IL23R: variants seen among roughly 807,000 people sequenced by gnomAD.
IL23R encodes interleukin 23 receptor, also known as interleukin-23 receptor.
IL23R carries 34 observed loss-of-function variants against 56.9 expected under a neutral mutation model. The ratio of observed to expected loss-of-function variants is 0.60; its 90% confidence interval spans 0.45 to 0.80. IL23R has a LOEUF of 0.80. IL23R is among the 30% of genes least tolerant of loss of function. The probability of loss-of-function intolerance (pLI) is 0.00; values close to 1 mark genes in which losing one functional copy is unlikely to be tolerated. For synonymous variants in IL23R, 230 were observed against 249.2 expected, an observed-to-expected ratio of 0.92 and a Z score of 0.73; for missense variants, 635 against 730.0, an observed-to-expected ratio of 0.87 and a Z score of 1.50.
chr1:67,142,714 T>C (rs1646649171), intron 1 of IL23R, among the ~76,000 whole-genome samples: 1 of 152,148 alleles, frequency 6.6e-6, no homozygotes, highest in Non-Finnish European at 1.5e-5. Flanking sequence ...CACAGGTGTG[T>C]GCCACCAAGC....
chr1:67,163,945 T>C (rs1204152939), upstream of IL23R, among the ~76,000 whole-genome samples: 1 of 152,162 alleles, frequency 6.6e-6, no homozygotes, highest in Admixed American at 6.5e-5. Context: ...TCTTTGACAC[T>C]GGTCTGGGTA....
intron 3 of IL23R, among the ~76,000 whole-genome samples, chr1:67,170,693 T>C (rs959050076): frequency 6.6e-6 from 1 of 152,122 alleles, no homozygotes; most frequent in African/African-American, 2.4e-5. Flanking sequence ...ATAAAGGAAT[T>C]TGTGTCTTTG....
In IL23R at chr1:67,236,778, A is replaced by G. The variant is rs373821085; in HGVS notation, c.1021A>G (p.Ile341Val). The G allele has an allele frequency of 6.2e-7, 1 of 1,612,274 alleles. No homozygotes were observed. The highest frequency in any genetic ancestry group is 2.2e-5 in the East Asian group (1 of 44,850). The change falls in exon 8 of 11, where the codon ATC becomes GTC. Residue 341 changes from isoleucine to valine, a missense_variant. By Grantham distance (29) the Ile-to-Val change is conservative (BLOSUM62 3). Coordinates refer to ENST00000347310, the MANE Select transcript of IL23R (RefSeq NM_144701.3). ...TWNSGLTVAS[I>V]STGHLTSDNR... Reference sequence around the variant, plus strand: ...GAATTCTGGGCTAACAGTTGCTTCCATCTCTACAGGGCACCTTACTTCTGG... The same window carrying G: ...GAATTCTGGGCTAACAGTTGCTTCCGTCTCTACAGGGCACCTTACTTCTGG...
intron 1 of IL23R, among the ~76,000 whole-genome samples, chr1:67,156,432 T>C (rs898254464): frequency 6.6e-6 from 1 of 152,178 alleles, no homozygotes; most frequent in East Asian, 1.9e-4. Flanking sequence ...CTCCAGGTGT[T>C]CTGTCCCAGG....
intron 4 of IL23R, among the ~76,000 whole-genome samples, chr1:67,197,780 C>T (rs1483560333): frequency 6.6e-6 from 1 of 151,926 alleles, no homozygotes; most frequent in Non-Finnish European, 1.5e-5. Context: ...CCTGTCTCTA[C>T]AAAAAATTAG....
At chr1:67,225,141 A>G (rs550648597) in intron 7 of IL23R, among the ~76,000 whole-genome samples, 1 of 152,328 alleles carries the variant, frequency 6.6e-6, no homozygotes, top group South Asian at 2.1e-4. Context: ...TTCTCTACAC[A>G]TTAGCTAGTA....
Position 67,246,142 on chromosome 1 carries a change from G to A in IL23R, c.1148+5861G>A, listed in dbSNP as rs142722549. 1.2e-3 allele frequency among the ~76,000 whole-genome samples: 187 copies of A among 152,106 alleles called. 1 individual carries two copies. Among genetic ancestry groups the A allele is most frequent in the African/African-American group, 4.4e-3 (181 of 41,512 alleles). On this transcript the variant is annotated intron_variant, in intron 9 of 10. Transcript: ENST00000347310. The stretch of plus-strand genomic sequence containing the variant: ...TCTGATGATAGTTTATATTTCTGTG[G>A]GATTGGTGGTGATATCTCCTTTATC...
At chr1:67,225,379 T>TA (rs1266581486) in intron 7 of IL23R, among the ~76,000 whole-genome samples, 2 of 152,120 alleles carry the variant, frequency 1.3e-5, no homozygotes, top group East Asian at 1.9e-4. Flanking sequence ...AAAGGATAGG[T>TA]AAAAAAGGCA....
chr1:67,227,211 AC>A (rs1392128586), intron 7 of IL23R, among the ~76,000 whole-genome samples: 1 of 152,210 alleles, frequency 6.6e-6, no homozygotes, highest in African/African-American at 2.4e-5. Flanking sequence ...GCTACTACTG[AC>A]TTAAAAAAGC....
chr1:67,197,351 G>A (rs1404766980), intron 4 of IL23R, among the ~76,000 whole-genome samples: 1 of 152,120 alleles, frequency 6.6e-6, no homozygotes, highest in Non-Finnish European at 1.5e-5. Flanking sequence ...CACAATAAAA[G>A]GACTAAAGAC....
At chr1:67,174,068 T>C (rs768312563) in intron 3 of IL23R, among the ~76,000 whole-genome samples, 10 of 152,192 alleles carry the variant, frequency 6.6e-5, no homozygotes, top group Non-Finnish European at 1.3e-4. Flanking sequence ...TTTTGGAAAA[T>C]TAAGTTTGTT....
intron 3 of IL23R, among the ~76,000 whole-genome samples, chr1:67,173,473 G>A (rs1189355569): frequency 6.6e-6 from 1 of 152,090 alleles, no homozygotes; most frequent in Non-Finnish European, 1.5e-5. Flanking sequence ...TGTAATCAAT[G>A]AGGGACCACA....
chr1:67,170,013 A>G (rs1327513915), intron 3 of IL23R, among the ~76,000 whole-genome samples: 1 of 152,204 alleles, frequency 6.6e-6, no homozygotes, highest in Non-Finnish European at 1.5e-5. Context: ...TTAGATTTAA[A>G]ATGTTGCTCT....
chr1:67,263,112 CTTTTTTT>C (rs66482004), downstream of IL23R, among the ~76,000 whole-genome samples: 5 of 98,890 alleles, frequency 5.1e-5, no homozygotes, highest in Non-Finnish European at 9.8e-5. Context: ...AATTTCTTTC[CTTTTTTT>C]TTTTTTTTTT....
chr1:67,217,553 G>A (rs1224090863), intron 6 of IL23R, among the ~76,000 whole-genome samples: 1 of 151,928 alleles, frequency 6.6e-6, no homozygotes, highest in Admixed American at 6.6e-5. Flanking sequence ...GAAGCAGAGT[G>A]CATTTGAGAG....
intron 6 of IL23R, among the ~76,000 whole-genome samples, chr1:67,215,787 T>C (rs1649794511): frequency 6.6e-6 from 1 of 152,248 alleles, no homozygotes; most frequent in African/African-American, 2.4e-5. Context: ...TTTGACACTG[T>C]TGACCACCTT....
chr1:67,143,256 AT>A (rs1646654182), intron 1 of IL23R, among the ~76,000 whole-genome samples: 1 of 152,152 alleles, frequency 6.6e-6, no homozygotes, highest in African/African-American at 2.4e-5. Flanking sequence ...GCTGGGGAGG[AT>A]TTTTGCTTTG....
intron 3 of IL23R, 131 bp from the exon 4 acceptor site, chr1:67,182,705 A>T (rs1185238210): frequency 2.5e-5 from 23 of 931,678 alleles, no homozygotes; most frequent in Non-Finnish European, 4.0e-5. Context: ...GAAATGAAGA[A>T]ATCGTTCGTC....
rs373559469 is a variant in IL23R, at chr1:67,246,513, G to A, written c.1148+6232G>A. Among the ~76,000 whole-genome samples, 84 of 152,106 alleles carry A rather than the reference G, an allele frequency of 5.5e-4. 1 individual carries two copies. In the East Asian group the frequency reaches 0.011, roughly 20 times the overall value. The stretch of plus-strand genomic sequence containing the variant: ...TCCCAGAGATTCTGGTACATTGTGT[G>A]TTTTTTCTCATTGGTTTCAAAGAAC... On this transcript the variant is annotated intron_variant, in intron 9 of 10. Coordinates refer to ENST00000347310, the MANE Select transcript of IL23R (RefSeq NM_144701.3).
Sources: allele counts gnomAD v4.1 joint callset (sites outside exome capture counted in the v4.1 genomes callset), GRCh38; gene constraint gnomAD v4.1.1; transcripts MANE v1.5; gene names NCBI Gene and HGNC (gene_info 2026-07-23, HGNC 2026-07-21).